The following PEBP4 variants were observed in gnomAD, a reference collection of about 807,000 sequenced individuals.
PEBP4 encodes phosphatidylethanolamine binding protein 4.
PEBP4 carries 22 observed loss-of-function variants against 23.9 expected under a neutral mutation model. The observed-to-expected ratio is 0.92, with a 90% CI of 0.66 to 1.31. PEBP4 has a LOEUF of 1.31. Among genes scored for constraint, PEBP4 ranks in the 40% most tolerant of loss-of-function variants. The pLI, the probability that PEBP4 is intolerant of heterozygous loss-of-function variation, is 0.00. For missense variants in PEBP4, 324 were observed against 281.7 expected, an observed-to-expected ratio of 1.15 and a Z score of -1.07; for synonymous variants, 112 against 99.3, an observed-to-expected ratio of 1.13 and a Z score of -0.76.
chr8:22,811,515 G>C (rs1000198912), intron 4 of PEBP4, among the ~76,000 whole-genome samples: 3 of 152,218 alleles, frequency 2.0e-5, no homozygotes, highest in Admixed American at 2.0e-4. Flanking sequence ...GAGATGGCAG[G>C]GGCACTGGCT....
rs142439943 is a variant in PEBP4, at chr8:22,927,669, G to A, written c.46C>T (p.Leu16Phe). The change falls in exon 2 of 7, where the codon CTC becomes TTC. Residue 16 changes from leucine to phenylalanine, a missense_variant. Transcript: ENST00000256404. ...TCGTCTCCAGTGACCACCATCATGA[G>A]ACCCAGTAACAGTGCTGCTGTGACC... The part of the protein sequence containing the change: ...RLVTAALLLG[L>F]MMVVTGDEDE... The A allele has an allele frequency of 2.9e-4, 463 of 1,613,902 alleles. No homozygotes were observed. In the African/African-American group the frequency reaches 5.7e-3, roughly 20 times the overall value.
chr8:22,891,157 T>C (rs1328400912), intron 3 of PEBP4, among the ~76,000 whole-genome samples: 1 of 152,148 alleles, frequency 6.6e-6, no homozygotes, highest in Non-Finnish European at 1.5e-5. Context: ...GGATAACATA[T>C]GCAGCATAAT....
At chr8:22,718,454 C>A (rs1248256483) in intron 6 of PEBP4, among the ~76,000 whole-genome samples, 1 of 152,198 alleles carries the variant, frequency 6.6e-6, no homozygotes, top group Admixed American at 6.5e-5. Flanking sequence ...TTCAACATTG[C>A]TTGGGATGGC....
At chr8:22,863,273 C>T (rs1293179396) in intron 3 of PEBP4, among the ~76,000 whole-genome samples, 1 of 152,180 alleles carries the variant, frequency 6.6e-6, no homozygotes, top group Admixed American at 6.5e-5. Flanking sequence ...GTCCCTCATG[C>T]TCCCTTCCTC....
chr8:22,912,085 G>A (rs7010966), intron 3 of PEBP4, among the ~76,000 whole-genome samples: 73,727 of 151,844 alleles, frequency 0.49, 18,051 homozygotes, highest in African/African-American at 0.54. Context: ...TTCAGGTCTG[G>A]CAGGAAGTTC....
At chr8:22,861,169 G>A (rs1471805376) in intron 3 of PEBP4, among the ~76,000 whole-genome samples, 1 of 152,190 alleles carries the variant, frequency 6.6e-6, no homozygotes, top group Non-Finnish European at 1.5e-5. Context: ...CAGGGCCTCA[G>A]GTTTTGATTC....
At chr8:22,767,199 A>G (rs1271075535) in intron 4 of PEBP4, among the ~76,000 whole-genome samples, 2 of 152,230 alleles carry the variant, frequency 1.3e-5, no homozygotes, top group African/African-American at 4.8e-5. Context: ...CAGTGGGGTA[A>G]AGATATTTTG....
chr8:22,818,712 G>A (rs1290915614), intron 3 of PEBP4, among the ~76,000 whole-genome samples: 2 of 152,192 alleles, frequency 1.3e-5, no homozygotes, highest in Non-Finnish European at 2.9e-5. Context: ...AGGCCAGAGA[G>A]GAGGCCAGGA....
At chr8:22,929,890 G>A (rs1029878640), upstream of PEBP4, among the ~76,000 whole-genome samples, 2 of 152,276 alleles carry the variant, frequency 1.3e-5, no homozygotes, top group South Asian at 2.1e-4. Flanking sequence ...ATTTTTTGTA[G>A]AGACGGGGTC....
chr8:22,852,715 T>C (rs1452666878), intron 3 of PEBP4, among the ~76,000 whole-genome samples: 1 of 152,048 alleles, frequency 6.6e-6, no homozygotes, highest in African/African-American at 2.4e-5. Context: ...GCTACATCTG[T>C]TTCCATTTCA....
At chr8:22,924,984 C>T in intron 2 of PEBP4, 6 of 985,310 alleles carry the variant, frequency 6.1e-6, no homozygotes, top group African/African-American at 1.7e-5. Flanking sequence ...GACCAAATGC[C>T]CACAAGAGGA....
rs138322249 is a variant in PEBP4 at position 22,761,554 on chromosome 8, A to G, written c.358-34334T>C. On this transcript the variant is annotated intron_variant, in intron 4 of 6. Coordinates refer to ENST00000256404, the MANE Select transcript of PEBP4 (RefSeq NM_144962.3). The stretch of plus-strand genomic sequence containing the variant: ...AACTAATTAACATCCAAACCTCTTG[A>G]AAGGTCTTTTCAGAGGTAATGTTCT... 2.7e-3 allele frequency among the ~76,000 whole-genome samples: 404 copies of G among 152,330 alleles called. 4 individuals carry two copies. Among genetic ancestry groups the G allele is most frequent in the African/African-American group, 9.3e-3 (387 of 41,556 alleles).
intron 3 of PEBP4, among the ~76,000 whole-genome samples, chr8:22,832,822 G>C (rs1807115028): frequency 6.6e-6 from 1 of 152,092 alleles, no homozygotes; most frequent in Non-Finnish European, 1.5e-5. Context: ...CTAATTCCTA[G>C]AGATAGCAAA....
intron 3 of PEBP4, among the ~76,000 whole-genome samples, chr8:22,903,708 G>C (rs559017396): frequency 1.3e-5 from 2 of 152,184 alleles, no homozygotes; most frequent in African/African-American, 2.4e-5. Context: ...AAATCAACCC[G>C]TTCTCTACAC....
At chr8:22,894,706 T>A (rs1808558442) in intron 3 of PEBP4, among the ~76,000 whole-genome samples, 1 of 152,148 alleles carries the variant, frequency 6.6e-6, no homozygotes, top group African/African-American at 2.4e-5. Flanking sequence ...AAAACTGAAA[T>A]CAGAAGTGAA....
In PEBP4 at chr8:22,805,786, AT is replaced by A. The variant is rs58399291; in HGVS notation, c.357+11850del. ...TAAAATGCTTTAAAAAATAAAGTCT[AT>A]TTTTTTTTAAAAAAAAGGGATTTGA... On this transcript the variant is annotated intron_variant, in intron 4 of 6. Coordinates refer to ENST00000256404, the MANE Select transcript of PEBP4 (RefSeq NM_144962.3). 2.1e-4 allele frequency among the ~76,000 whole-genome samples: 32 copies of A among 151,206 alleles called. No homozygotes were observed. In the South Asian group the frequency reaches 4.8e-3, roughly 23 times the overall value.
intron 3 of PEBP4, among the ~76,000 whole-genome samples, chr8:22,849,164 C>T (rs1039930128): frequency 6.6e-6 from 1 of 152,192 alleles, no homozygotes; most frequent in African/African-American, 2.4e-5. Context: ...TAAAGCAGTT[C>T]TAATAGATGA....
intron 3 of PEBP4, among the ~76,000 whole-genome samples, chr8:22,917,467 C>T (rs958794377): frequency 1.3e-5 from 2 of 152,146 alleles, no homozygotes; most frequent in African/African-American, 2.4e-5. Flanking sequence ...TCGGCCAGCC[C>T]ACCCCTGCCT....
chr8:22,904,702 A>C (rs1808777089), intron 3 of PEBP4, among the ~76,000 whole-genome samples: 1 of 152,188 alleles, frequency 6.6e-6, no homozygotes, highest in African/African-American at 2.4e-5. Flanking sequence ...AAAAGATATA[A>C]ATTTTTGAAA....
Sources: allele counts gnomAD v4.1 joint callset (sites outside exome capture counted in the v4.1 genomes callset), GRCh38; gene constraint gnomAD v4.1.1; transcripts MANE v1.5; gene names NCBI Gene and HGNC (gene_info 2026-07-23, HGNC 2026-07-21).